MARK1: variants seen among roughly 807,000 people sequenced by gnomAD.
The protein encoded by MARK1 is serine/threonine-protein kinase MARK1.
A neutral mutation model predicts 96.3 loss-of-function variants in MARK1; 40 were observed. The ratio of observed to expected loss-of-function variants is 0.42; its 90% CI spans 0.32 to 0.54. The LOEUF (loss-of-function observed/expected upper bound fraction) is 0.54, where lower values mean the gene tolerates loss of function less well. MARK1 is among the 20% of genes least tolerant of loss of function. The pLI, the probability that MARK1 is intolerant of heterozygous loss-of-function variation, is 0.16. For synonymous variants in MARK1, 317 were observed against 341.2 expected (o/e 0.93, Z 0.78); for missense variants, 719 against 984.6 (o/e 0.73, Z 3.61).
intron 13 of MARK1, among the ~76,000 whole-genome samples, chr1:220,649,958 A>C (rs894401402): frequency 1.3e-5 from 2 of 152,176 alleles, no homozygotes; most frequent in Non-Finnish European, 2.9e-5. Context: ...GGTTGTGTGC[A>C]TGGTAAGGAG....
intron 9 of MARK1, chr1:220,626,998 C>T (rs551890653): frequency 6.0e-5 from 32 of 530,260 alleles, no homozygotes; most frequent in East Asian, 5.0e-4. Context: ...TTCCATACAG[C>T]GACTACTTGG....
chr1:220,634,322 C>T (rs563324757), intron 11 of MARK1, among the ~76,000 whole-genome samples: 33 of 152,254 alleles, frequency 2.2e-4, no homozygotes, highest in African/African-American at 4.8e-4. Context: ...CAAATATAAA[C>T]GAATGAGGCT....
intron 1 of MARK1, among the ~76,000 whole-genome samples, chr1:220,552,243 G>T (rs1361822673): frequency 6.6e-6 from 1 of 152,240 alleles, no homozygotes; most frequent in East Asian, 1.9e-4. Context: ...AAGACTTCTA[G>T]ACCAGCAGAA....
rs1005522161 is a variant in MARK1 at position 220,654,966 on chromosome 1, A to G, written c.1988+1614A>G. On this transcript the variant is annotated intron_variant, in intron 16 of 17. Transcript: ENST00000366917. The surrounding 1 kb of genome is among the most constrained non-coding windows in gnomAD (Gnocchi z 4.0). Reference sequence around the variant, plus strand: ...AGATTGCCATATAGTCTTTGAACACATATGTGGAGACCTACTACACGCAAG... The same window carrying G: ...AGATTGCCATATAGTCTTTGAACACGTATGTGGAGACCTACTACACGCAAG... Among the ~76,000 whole-genome samples the G allele has an allele frequency of 1.2e-4, 18 of 152,346 alleles. No individual in the cohort carries two copies. Among genetic ancestry groups the G allele is most frequent in the African/African-American group, 4.1e-4 (17 of 41,586 alleles).
chr1:220,661,327 T>C (rs1453381541), intron 17 of MARK1, among the ~76,000 whole-genome samples: 3 of 152,310 alleles, frequency 2.0e-5, no homozygotes, highest in Admixed American at 2.0e-4. Flanking sequence ...CTTTACCTAA[T>C]TGCAGTACAA....
chr1:220,583,981 A>G (rs887786306), intron 3 of MARK1, among the ~76,000 whole-genome samples: 7 of 151,772 alleles, frequency 4.6e-5, no homozygotes, highest in African/African-American at 7.3e-5. Flanking sequence ...GGGTTCTTTT[A>G]AGCAGCCTAC....
At chr1:220,545,636 G>A (rs1456692233) in intron 1 of MARK1, among the ~76,000 whole-genome samples, 9 of 151,646 alleles carry the variant, frequency 5.9e-5, no homozygotes, top group African/African-American at 4.8e-5. Flanking sequence ...TGGGAGTTTC[G>A]ACATGTTGCC....
chr1:220,618,816 A>C lies in MARK1; in HGVS notation c.909+61A>C. On this transcript the variant is annotated intron_variant, in intron 9 of 17. Coordinates refer to ENST00000366917, the MANE Select transcript of MARK1 (RefSeq NM_018650.5). This position sits in a 1 kb window ranked among gnomAD's most constrained non-coding sequence, Gnocchi z 4.6. Reference sequence around the variant, plus strand: ...ACAATTAAAATATTCCAGGAACCGAAGAGCATTTTTCTCCTATGTTTTCTT... The same window carrying C: ...ACAATTAAAATATTCCAGGAACCGACGAGCATTTTTCTCCTATGTTTTCTT... 2 of 1,422,972 alleles carry C rather than the reference A, an allele frequency of 1.4e-6. No homozygotes were observed. The highest frequency in any genetic ancestry group is 1.9e-6 in the Non-Finnish European group (2 of 1,059,016). 88.1% of individuals were successfully genotyped at this position (1,422,972 alleles called of 1,614,324 possible).
At chr1:220,614,945 C>A (rs1425045403) in intron 6 of MARK1, among the ~76,000 whole-genome samples, 1 of 151,988 alleles carries the variant, frequency 6.6e-6, no homozygotes, top group Non-Finnish European at 1.5e-5. Context: ...TTCACATCAC[C>A]TTTAGACTTT....
intron 1 of MARK1, among the ~76,000 whole-genome samples, chr1:220,569,993 A>C (rs966027352): frequency 1.3e-5 from 2 of 152,174 alleles, no homozygotes; most frequent in Non-Finnish European, 2.9e-5. Context: ...AAAGATTCAG[A>C]AAGTGTAGCA....
chr1:220,621,544 A>C (rs1290239100), intron 9 of MARK1, among the ~76,000 whole-genome samples: 1 of 152,118 alleles, frequency 6.6e-6, no homozygotes, highest in Non-Finnish European at 1.5e-5. Context: ...TTTTTAATGA[A>C]TAGTTTGTGC....
In MARK1 at chr1:220,604,078, G is replaced by T; in HGVS notation, c.436G>T (p.Asp146Tyr). 1 of 1,609,104 alleles carries T rather than the reference G, an allele frequency of 6.2e-7. No homozygotes were observed. Among genetic ancestry groups the T allele is most frequent in the South Asian group, 1.1e-5 (1 of 90,330 alleles). ...CCTTTCTGATTCAGGTGAAGTATTTGATTACTTAGTTGCCCATGGAAGAAT... is the reference window on the plus strand; with the variant it reads ...CCTTTCTGATTCAGGTGAAGTATTTTATTACTTAGTTGCCCATGGAAGAAT... ...MEYASGGEVF[D>Y]YLVAHGRMKE... The change falls in exon 6 of 18, where the codon GAT (aspartate) becomes TAT (tyrosine). Residue 146 changes from aspartate to tyrosine, a missense_variant. Physicochemically the swap from Asp to Tyr is radical, Grantham distance 160 (BLOSUM62 -3). Around this residue, in one of 4 missense-constraint regions of MARK1, gnomAD observed 96 missense variants for 213.1 expected, o/e 0.45. Coordinates refer to ENST00000366917, the MANE Select transcript of MARK1 (RefSeq NM_018650.5).
At chr1:220,611,481 C>T (rs1270498984) in intron 6 of MARK1, among the ~76,000 whole-genome samples, 2 of 152,166 alleles carry the variant, frequency 1.3e-5, no homozygotes, top group African/African-American at 2.4e-5. Flanking sequence ...TAGTCTGTCA[C>T]GGCTTCCTTT....
At chr1:220,571,626 G>A (rs933006572) in intron 1 of MARK1, 5 of 152,212 alleles carry the variant, frequency 3.3e-5, no homozygotes, top group African/African-American at 1.2e-4. Flanking sequence ...AACTCAGGCA[G>A]ATTCATTGCT....
intron 13 of MARK1, among the ~76,000 whole-genome samples, chr1:220,640,442 G>T (rs1346060280): frequency 6.6e-6 from 1 of 152,174 alleles, no homozygotes; most frequent in African/African-American, 2.4e-5. Flanking sequence ...CCAGTTGATA[G>T]CATGGGGAGA....
intron 13 of MARK1, among the ~76,000 whole-genome samples, chr1:220,647,345 T>C (rs533979121): frequency 1.3e-5 from 2 of 152,236 alleles, no homozygotes; most frequent in African/African-American, 4.8e-5. Flanking sequence ...AAAACCATAA[T>C]GAGATACCAT....
intron 1 of MARK1, among the ~76,000 whole-genome samples, chr1:220,566,814 A>G (rs2589583): frequency 0.26 from 39,062 of 150,396 alleles, 5,747 homozygotes; most frequent in East Asian, 0.46. Flanking sequence ...CAACACTGAC[A>G]ACATCTTCTG....
intron 1 of MARK1, among the ~76,000 whole-genome samples, chr1:220,544,076 T>A (rs1363276098): frequency 6.6e-6 from 1 of 152,210 alleles, no homozygotes; most frequent in Non-Finnish European, 1.5e-5. Flanking sequence ...GAATTTTCTG[T>A]AAGTAGTAAG....
Position 220,649,742 on chromosome 1 carries a change from A to C in MARK1, c.1471-878A>C, listed in dbSNP as rs1371491526. ...AGTGAATTCAAGCAAGTATCTATTA[A>C]GTTTGTAGCCCTCATGATTCAACAA... On this transcript the variant is annotated intron_variant, in intron 13 of 17. Transcript: ENST00000366917. Among the ~76,000 whole-genome samples the C allele has an allele frequency of 2.0e-5, 3 of 152,296 alleles. No individual in the cohort carries two copies. The East Asian group carries it at 5.8e-4, about 29-fold the overall frequency.
Sources: allele counts gnomAD v4.1 joint callset (sites outside exome capture counted in the v4.1 genomes callset), GRCh38; gene constraint gnomAD v4.1.1; regional missense constraint gnomAD v4.1.1; non-coding constraint Gnocchi (gnomAD v3.1); transcripts MANE v1.5; gene names NCBI Gene and HGNC (gene_info 2026-07-23, HGNC 2026-07-21).